Variants in DECR2 observed in about 807,000 individuals in gnomAD.
DECR2 encodes the protein 2,4-dienoyl-CoA reductase 2.
In DECR2, 34 loss-of-function variants were observed where a neutral mutation model predicts 29.2. The ratio of observed to expected loss-of-function variants is 1.16; its 90% CI spans 0.89 to 1.55. DECR2 has a LOEUF of 1.55. DECR2 is among the 40% of genes most tolerant of loss of function. The pLI is 0.00. For missense variants in DECR2, 485 were observed against 425.3 expected, an observed-to-expected ratio of 1.14 and a Z score of -1.23; for synonymous variants, 224 against 182.7, an observed-to-expected ratio of 1.23 and a Z score of -1.82.
Position 402,035 on chromosome 16 carries a change from C to G in DECR2, c.72C>G (p.Asp24Glu). 6.9e-7 allele frequency: 1 copy of G among 1,452,330 alleles called. No homozygotes were observed. The highest frequency in any genetic ancestry group is 9.0e-7 in the Non-Finnish European group (1 of 1,105,234). 90.0% of individuals were successfully genotyped at this position (1,452,330 alleles called of 1,614,324 possible). A position where few individuals can be genotyped will look rare whatever the true frequency, so the allele number is the denominator to read the frequency against. ...LPAYRHLFCPDLLRDKVAFIT... is the reference protein window; with the variant it reads ...LPAYRHLFCPELLRDKVAFIT... ...CGTACCGCCACCTCTTCTGCCCGGA[C>G]CTGCTGCGGTGAGCGGGGCCTGGGA... The change falls in exon 1 of 9, where the codon GAC becomes GAG. Residue 24 changes from aspartate to glutamate, a missense_variant. Asp to Glu is a conservative substitution (Grantham distance 45). Transcript: ENST00000219481.
At chr16:408,185 C>T (rs2054762753) in intron 4 of DECR2, among the ~76,000 whole-genome samples, 1 of 147,158 alleles carries the variant, frequency 6.8e-6, no homozygotes, top group South Asian at 2.2e-4. Flanking sequence ...CTCCGGGCCT[C>T]TGTCTCCGGC....
rs541481767 is a variant in DECR2 at position 407,268 on chromosome 16, C to T, written c.202-157C>T. The stretch of plus-strand genomic sequence containing the variant: ...GGTTCCCACAAACATCCACTGGGGT[C>T]GTGGGCACTTGCAGGCTGTGCTTCC... On this transcript the variant is annotated intron_variant, in intron 3 of 8. Transcript: ENST00000219481. The T allele has an allele frequency of 2.9e-4, 415 of 1,438,710 alleles. 8 individuals are homozygous for T. The South Asian group carries it at 3.7e-3, about 13-fold the overall frequency. 89.1% of individuals were successfully genotyped at this position (1,438,710 alleles called of 1,614,324 possible). A position where few individuals can be genotyped will look rare whatever the true frequency, so the allele number is the denominator to read the frequency against.
intron 2 of DECR2, chr16:405,564 A>G (rs1053110729): frequency 7.7e-7 from 1 of 1,304,482 alleles, no homozygotes; most frequent in Non-Finnish European, 1.0e-6. Flanking sequence ...CCTGCCTAGC[A>G]GGGGTAGCTA....
rs970120641 is a variant in DECR2, at chr16:410,621, C to G, written c.463-70C>G. The G allele has an allele frequency of 1.9e-4, 272 of 1,463,468 alleles. No individual in the cohort carries two copies. The highest frequency in any genetic ancestry group is 2.4e-4 in the Non-Finnish European group (261 of 1,069,400). The allele number at this position is 1,463,468 out of a possible 1,614,324, so 90.7% of individuals were successfully genotyped here. On this transcript the variant is annotated intron_variant, in intron 5 of 8. Transcript: ENST00000219481. The surrounding 1 kb of genome is among the most constrained non-coding windows in gnomAD (Gnocchi z 4.1). The stretch of plus-strand genomic sequence containing the variant: ...CTGCCCCGGGCCTCCCCCTGACAGC[C>G]ACCCGCTCACTGTCCTGTGACCTCC...
intron 1 of DECR2, 122 bp downstream of exon 1, chr16:402,165 TTTC>T: frequency 1.3e-6 from 1 of 761,020 alleles, no homozygotes; most frequent in African/African-American, 1.9e-5. Context: ...GGCTCCTTTC[TTTC>T]TTTTTTCTTT....
chr16:411,308 G>C, intron 7 of DECR2, 53 bp from the exon 8 acceptor site: 1 of 1,527,206 alleles, frequency 6.5e-7, no homozygotes, highest in Non-Finnish European at 8.9e-7. Flanking sequence ...GGGGAGAGGG[G>C]AGGGTGCTGG....
At chr16:407,112 G>C (rs556741113) in intron 3 of DECR2, 1 of 1,160,518 alleles carries the variant, frequency 8.6e-7, no homozygotes, top group African/African-American at 1.6e-5. Flanking sequence ...TGGAGCCCTC[G>C]ACCTGGGAGG....
intron 4 of DECR2, among the ~76,000 whole-genome samples, chr16:407,864 C>T (rs1310807731): frequency 1.4e-5 from 2 of 147,614 alleles, no homozygotes; most frequent in South Asian, 4.4e-4. Context: ...TGTCTCCGGG[C>T]GTCTCTCTCC....
rs9932806 is a variant in DECR2 at position 410,595 on chromosome 16, C to A, written c.463-96C>A. ...GCCTCCCCCTGACGGCCGCCCGCTCCCTGCCCCGGGCCTCCCCCTGACAGC... is the reference window on the plus strand; with the variant it reads ...GCCTCCCCCTGACGGCCGCCCGCTCACTGCCCCGGGCCTCCCCCTGACAGC... On this transcript the variant is annotated intron_variant, in intron 5 of 8. Coordinates refer to ENST00000219481, the MANE Select transcript of DECR2 (RefSeq NM_020664.4). This position sits in a 1 kb window ranked among gnomAD's most constrained non-coding sequence, Gnocchi z 4.1. 3 of 1,412,556 alleles carry A rather than the reference C, an allele frequency of 2.1e-6. No homozygotes were observed. The highest frequency in any genetic ancestry group is 1.2e-5 in the South Asian group (1 of 82,000). 87.5% of individuals were successfully genotyped at this position (1,412,556 alleles called of 1,614,324 possible).
intron 3 of DECR2, 32 bp downstream of exon 3, chr16:406,429 G>C (rs3826231): frequency 4.4e-6 from 7 of 1,602,802 alleles, no homozygotes; most frequent in Non-Finnish European, 5.1e-6. Flanking sequence ...TCCCCTGTTC[G>C]GGTGGCTGTG....
Position 410,538 on chromosome 16 carries a change from T to TC in DECR2, c.463-149dup. 1 of 1,458,914 alleles carries TC rather than the reference T, an allele frequency of 6.9e-7. No homozygotes were observed. The highest frequency in any genetic ancestry group is 9.3e-7 in the Non-Finnish European group (1 of 1,077,688). 90.4% of individuals were successfully genotyped at this position (1,458,914 alleles called of 1,614,324 possible). On this transcript the variant is annotated intron_variant, in intron 5 of 8. Transcript: ENST00000219481. This position sits in a 1 kb window ranked among gnomAD's most constrained non-coding sequence, Gnocchi z 4.1. ...GGCCGCCCGCTCCCTGCCCTGGGCC[T>TC]CCCCATGACGGCCGCCCGCTCCCTG...
At chr16:408,252 C>T (rs1197246033) in intron 4 of DECR2, among the ~76,000 whole-genome samples, 1 of 150,772 alleles carries the variant, frequency 6.6e-6, no homozygotes, top group Non-Finnish European at 1.5e-5. Context: ...TGTCTCCGGC[C>T]CCCTGTCTCT....
intron 1 of DECR2, among the ~76,000 whole-genome samples, chr16:403,701 C>A (rs1482553562): frequency 1.3e-5 from 2 of 152,290 alleles, no homozygotes; most frequent in South Asian, 2.1e-4. Context: ...CAAAACGATA[C>A]CCCTCTCTAG....
chr16:404,497 C>T (rs2054702448), intron 1 of DECR2, among the ~76,000 whole-genome samples: 1 of 151,998 alleles, frequency 6.6e-6, no homozygotes. Context: ...GCCTTGGCCT[C>T]CTAAAGTGCT....
At chr16:402,651 C>G (rs541393985) in intron 1 of DECR2, among the ~76,000 whole-genome samples, 1 of 149,386 alleles carries the variant, frequency 6.7e-6, no homozygotes, top group South Asian at 2.1e-4. Flanking sequence ...TTTTCCTTTT[C>G]TTTTTTTCAA....
Position 411,414 on chromosome 16 carries a change from C to T in DECR2, c.715C>T (p.Leu239=). Residue 239 remains leucine (L), a synonymous_variant, in exon 8 of 9, where the codon CTG becomes TTG. Transcript: ENST00000219481. ...TKVTASPLQR[L]GNKTEIAHSV... ...GGTCACTGCCAGCCCGCTGCAGAGG[C>T]TGGGGAACAAGACCGAGATCGCCCA... 1 of 1,613,066 alleles carries T rather than the reference C, an allele frequency of 6.2e-7. No homozygotes were observed. Among genetic ancestry groups the T allele is most frequent in the Non-Finnish European group, 8.5e-7 (1 of 1,179,980 alleles).
chr16:410,464 G>A lies in DECR2; in HGVS notation c.462+97G>A. 6.4e-7 allele frequency: 1 copy of A among 1,568,578 alleles called. No individual in the cohort carries two copies. The highest frequency in any genetic ancestry group is 8.7e-7 in the Non-Finnish European group (1 of 1,153,114). On this transcript the variant is annotated intron_variant, in intron 5 of 8. Coordinates refer to ENST00000219481, the MANE Select transcript of DECR2 (RefSeq NM_020664.4). The surrounding 1 kb of genome is among the most constrained non-coding windows in gnomAD (Gnocchi z 4.1). Reference sequence around the variant, plus strand: ...CGGGTGGGTGCCTTGTGCGCTCTGTGAGAAGTTCTTCCGGGTGGGTGTACT... The same window carrying A: ...CGGGTGGGTGCCTTGTGCGCTCTGTAAGAAGTTCTTCCGGGTGGGTGTACT...
At chr16:404,873 C>A (rs915299846) in intron 1 of DECR2, 83 bp from the exon 2 acceptor site, 1 of 1,363,220 alleles carries the variant, frequency 7.3e-7, no homozygotes, top group Non-Finnish European at 1.0e-6. Context: ...TGTGGCCCAC[C>A]CACCTTGGCC....
intron 1 of DECR2, among the ~76,000 whole-genome samples, chr16:403,878 AAAAT>A (rs1217523561): frequency 1.2e-4 from 19 of 152,210 alleles, no homozygotes; most frequent in Non-Finnish European, 2.4e-4. Flanking sequence ...AACCTGTCTC[AAAAT>A]AAATAAATAG....
Sources: allele counts gnomAD v4.1 joint callset (sites outside exome capture counted in the v4.1 genomes callset), GRCh38; gene constraint gnomAD v4.1.1; non-coding constraint Gnocchi (gnomAD v3.1); transcripts MANE v1.5; gene names NCBI Gene and HGNC (gene_info 2026-07-23, HGNC 2026-07-21).